Variants in EXT2 observed in about 807,000 individuals in gnomAD.
The protein encoded by EXT2 is exostosin glycosyltransferase 2, also known as exostosin-2.
Under a neutral mutation model 81.6 loss-of-function variants are expected in EXT2, and 53 were observed. The observed-to-expected ratio is 0.65, with a 90% CI of 0.52 to 0.82. EXT2 has a LOEUF of 0.82. Among genes scored for constraint, EXT2 ranks in the 40% least tolerant of loss-of-function variants. The pLI is 0.00. For missense variants in EXT2, 774 were observed against 910.2 expected, an observed-to-expected ratio of 0.85 and a Z score of 1.93; for synonymous variants, 320 against 340.0, an observed-to-expected ratio of 0.94 and a Z score of 0.65.
intron 3 of EXT2, among the ~76,000 whole-genome samples, chr11:44,111,839 C>T (rs1954148614): frequency 6.6e-6 from 1 of 152,194 alleles, no homozygotes; most frequent in Non-Finnish European, 1.5e-5. Flanking sequence ...GTGTGAATCT[C>T]TGCATGATAC....
chr11:44,171,617 T>G lies in EXT2; in HGVS notation c.1180T>G (p.Trp394Gly), dbSNP rs769052712. 3 of 1,614,170 alleles carry G rather than the reference T, an allele frequency of 1.9e-6. No individual in the cohort carries two copies. The Admixed American group carries it at 5.0e-5, about 27-fold the overall frequency. ...QIEEMQRQAR[W>G]FWEAYFQSIK... ...AGCATTATTTTCTTTATAGGCCCGGTGGTTCTGGGAAGCGTACTTCCAGTC... is the reference window on the plus strand; with the variant it reads ...AGCATTATTTTCTTTATAGGCCCGGGGGTTCTGGGAAGCGTACTTCCAGTC... Residue 394 changes from tryptophan to glycine, a missense_variant, in exon 8 of 14, where the codon TGG becomes GGG. Transcript: ENST00000533608.
chr11:44,157,556 C>A (rs141309703), intron 7 of EXT2, among the ~76,000 whole-genome samples: 1 of 152,138 alleles, frequency 6.6e-6, no homozygotes, highest in Non-Finnish European at 1.5e-5. Context: ...GATGTTCAGT[C>A]AAGGCTCAAG....
At chr11:44,137,438 C>T (rs538666614) in intron 7 of EXT2, among the ~76,000 whole-genome samples, 32 of 152,114 alleles carry the variant, frequency 2.1e-4, no homozygotes, top group African/African-American at 7.7e-4. Flanking sequence ...GGATCTTAGT[C>T]TGTATAGGTC....
intron 10 of EXT2, among the ~76,000 whole-genome samples, chr11:44,219,401 C>G (rs1365976352): frequency 2.0e-5 from 3 of 151,904 alleles, no homozygotes; most frequent in African/African-American, 4.8e-5. Flanking sequence ...GTAGTCCCAG[C>G]TACTCAGGAG....
chr11:44,114,284 TCC>T lies in EXT2; in HGVS notation c.727_728del (p.Pro243ArgfsTer21). 6.2e-7 allele frequency: 1 copy of T among 1,613,936 alleles called. No homozygotes were observed. Among genetic ancestry groups the T allele is most frequent in the Non-Finnish European group, 8.5e-7 (1 of 1,179,828 alleles). On this transcript the variant is annotated frameshift_variant, in exon 4 of 14. Coordinates refer to ENST00000533608, the MANE Select transcript of EXT2 (RefSeq NM_207122.2). LOFTEE classifies it high-confidence loss of function. ...YSPLSAEVDL[P>X]EKGPGPRQYF... ...GTCCACTGTCAGCTGAGGTGGATCT[TCC>T]AGAGAAAGGACCAGGGTAAGGTACA...
intron 7 of EXT2, among the ~76,000 whole-genome samples, chr11:44,141,746 C>T (rs1954649135): frequency 6.6e-6 from 1 of 152,166 alleles, no homozygotes; most frequent in African/African-American, 2.4e-5. Context: ...CATGAATCCC[C>T]AATATGGGAT....
intron 11 of EXT2, 149 bp from the exon 12 acceptor site, chr11:44,233,966 G>A (rs1955928439): frequency 9.4e-7 from 1 of 1,068,716 alleles, no homozygotes; most frequent in Middle Eastern, 3.0e-4. Flanking sequence ...GCATTCTAAT[G>A]CCTCCTTTTA....
intron 7 of EXT2, among the ~76,000 whole-genome samples, chr11:44,167,477 C>T (rs1392382221): frequency 3.3e-5 from 5 of 152,138 alleles, no homozygotes; most frequent in East Asian, 1.9e-4. Context: ...ACACTTTAAG[C>T]ATAAGGGAAA....
At chr11:44,241,268 G>A (rs1046806547) in intron 13 of EXT2, among the ~76,000 whole-genome samples, 4 of 152,116 alleles carry the variant, frequency 2.6e-5, no homozygotes, top group African/African-American at 9.7e-5. Flanking sequence ...CGGGCAGACA[G>A]TATTGACTTA....
In EXT2 at chr11:44,245,416, T is replaced by C. The variant is rs1473352521; in HGVS notation, c.*1129T>C. On this transcript the variant is annotated 3_prime_UTR_variant, in exon 14 of 14. Transcript: ENST00000533608. Reference sequence around the variant, plus strand: ...ATATTTAAATCATTAAATTTCAGCATTTACTAATACTGCACATGTGTGAAT... The same window carrying C: ...ATATTTAAATCATTAAATTTCAGCACTTACTAATACTGCACATGTGTGAAT... 1 of 193,766 alleles carries C rather than the reference T, an allele frequency of 5.2e-6. No individual in the cohort carries two copies. Among genetic ancestry groups the C allele is most frequent in the African/African-American group, 2.3e-5 (1 of 43,104 alleles). 12.0% of individuals were successfully genotyped at this position (193,766 alleles called of 1,614,324 possible).
Position 44,236,179 on chromosome 11 carries a change from ACG to A in EXT2, c.1936-110_1936-109del, listed in dbSNP as rs1256196390. 7 of 854,236 alleles carry A rather than the reference ACG, an allele frequency of 8.2e-6. No homozygotes were observed. In the African/African-American group the frequency reaches 9.9e-5, roughly 12 times the overall value. 52.9% of individuals were successfully genotyped at this position (854,236 alleles called of 1,614,324 possible). A position where few individuals can be genotyped will look rare whatever the true frequency, so the allele number is the denominator to read the frequency against. ...GCGAGGTGTGTGTGTGTGTGTGTGC[ACG>A]CGCATGCAACATCTCAGCTTACAAC... On this transcript the variant is annotated intron_variant, in intron 12 of 13. Transcript: ENST00000533608.
chr11:44,247,074 A>G lies in EXT2; in HGVS notation c.*2787A>G, dbSNP rs572149221. ...ATGCCAGGGCTGGAAATACTTTTTTATTTTGCTGATTAACATTACATAGTT... is the reference window on the plus strand; with the variant it reads ...ATGCCAGGGCTGGAAATACTTTTTTGTTTTGCTGATTAACATTACATAGTT... On this transcript the variant is annotated 3_prime_UTR_variant, in exon 14 of 14. Transcript: ENST00000533608. 6.6e-6 allele frequency among the ~76,000 whole-genome samples: 1 copy of G among 152,246 alleles called. No individual in the cohort carries two copies. Among genetic ancestry groups the G allele is most frequent in the East Asian group, 1.9e-4 (1 of 5,188 alleles).
At chr11:44,191,069 T>C (rs938432521) in intron 8 of EXT2, among the ~76,000 whole-genome samples, 2 of 152,234 alleles carry the variant, frequency 1.3e-5, no homozygotes, top group Non-Finnish European at 1.5e-5. Flanking sequence ...CACACATCCC[T>C]CTCACTAGTG....
In EXT2 at chr11:44,244,349, C is replaced by G; in HGVS notation, c.*62C>G. On this transcript the variant is annotated 3_prime_UTR_variant, in exon 14 of 14. Coordinates refer to ENST00000533608, the MANE Select transcript of EXT2 (RefSeq NM_207122.2). ...GACAGAGGGAGAGAACAAGGCCTCC[C>G]AGCACTCTGATGTCAGAGTAGTAGG... The G allele has an allele frequency of 6.3e-7, 1 of 1,579,596 alleles. No homozygotes were observed. The highest frequency in any genetic ancestry group is 1.1e-5 in the South Asian group (1 of 90,204).
At chr11:44,197,636 C>T (rs1356256419) in intron 8 of EXT2, among the ~76,000 whole-genome samples, 193 bp from the exon 9 acceptor site, 1 of 152,074 alleles carries the variant, frequency 6.6e-6, no homozygotes, top group Non-Finnish European at 1.5e-5. Flanking sequence ...GCTCCTTTTC[C>T]AGTGATATCA....
At chr11:44,239,462 G>A (rs780913804) in intron 13 of EXT2, among the ~76,000 whole-genome samples, 1 of 143,452 alleles carries the variant, frequency 7.0e-6, no homozygotes, top group Non-Finnish European at 1.5e-5. Flanking sequence ...GTGCAATCTC[G>A]GCTCACTGTA....
intron 7 of EXT2, among the ~76,000 whole-genome samples, chr11:44,164,784 T>C (rs1954970283): frequency 6.6e-6 from 1 of 152,232 alleles, no homozygotes; most frequent in Non-Finnish European, 1.5e-5. Context: ...GTGTGACCTA[T>C]TCACCTGTAA....
rs35214626 is a variant in EXT2 at position 44,235,225 on chromosome 11, C to CTTTTTTTTT, written c.1935+999_1935+1007dup. ...GGGACCCTTCCCATCCCCAAATTTG[C>CTTTTTTTTT]TTTTTTTTTTTTTTTTTTTTTTTTT... On this transcript the variant is annotated intron_variant, in intron 12 of 13. Transcript: ENST00000533608. Among the ~76,000 whole-genome samples, 25 of 50,770 alleles carry CTTTTTTTTT rather than the reference C, an allele frequency of 4.9e-4. 1 individual carries two copies. Among genetic ancestry groups the CTTTTTTTTT allele is most frequent in the East Asian group, 6.7e-4 (1 of 1,500 alleles). The allele number at this position is 50,770 out of a possible 152,430, so 33.3% of individuals were successfully genotyped here. A position where few individuals can be genotyped will look rare whatever the true frequency, so the allele number is the denominator to read the frequency against.
chr11:44,231,851 C>T (rs1227652233), intron 10 of EXT2, among the ~76,000 whole-genome samples: 1 of 152,152 alleles, frequency 6.6e-6, no homozygotes, highest in Non-Finnish European at 1.5e-5. Context: ...CAGAATCAGA[C>T]AGCCCTTCTA....
Sources: gnomAD v4.1 joint callset for allele counts (sites outside exome capture counted in the v4.1 genomes callset) on GRCh38, gnomAD v4.1.1 for gene constraint, MANE v1.5 for transcripts, NCBI Gene and HGNC (gene_info 2026-07-23, HGNC 2026-07-21) for gene names.